Variants in DLGAP1 observed in about 807,000 individuals in gnomAD.
DLGAP1 encodes disks large-associated protein 1.
A neutral mutation model predicts 90.8 loss-of-function variants in DLGAP1; 11 were observed. The observed-to-expected ratio is 0.12, with a 90% CI of 0.08 to 0.20. The LOEUF is 0.20. Among genes scored for constraint, DLGAP1 ranks in the 10% least tolerant of loss-of-function variants. The probability of loss-of-function intolerance (pLI) is 1.00; values close to 1 mark genes in which losing one functional copy is unlikely to be tolerated. For synonymous variants in DLGAP1, 558 were observed against 540.7 expected, an observed-to-expected ratio of 1.03 and a Z score of -0.44; for missense variants, 1,050 against 1,333.8, an observed-to-expected ratio of 0.79 and a Z score of 3.31.
chr18:3,739,632 C>T (rs1249788064), intron 6 of DLGAP1, among the ~76,000 whole-genome samples: 3 of 91,270 alleles, frequency 3.3e-5, no homozygotes, highest in Admixed American at 1.7e-4. Flanking sequence ...GTTGTGGGGT[C>T]GGGGGAGGGG....
chr18:4,106,657 TG>T (rs2075874075), intron 2 of DLGAP1, among the ~76,000 whole-genome samples: 1 of 152,256 alleles, frequency 6.6e-6, no homozygotes, highest in South Asian at 2.1e-4. Context: ...AGGCGCTGCC[TG>T]TCTTCTCAGA....
chr18:3,778,432 A>T (rs1242428504), intron 5 of DLGAP1, among the ~76,000 whole-genome samples: 2 of 151,720 alleles, frequency 1.3e-5, no homozygotes, highest in Non-Finnish European at 2.9e-5. Flanking sequence ...CAAGAGCAAG[A>T]CTCCATCTTA....
intron 2 of DLGAP1, among the ~76,000 whole-genome samples, chr18:4,107,890 G>T (rs183149684): frequency 6.6e-6 from 1 of 152,036 alleles, no homozygotes; most frequent in Admixed American, 6.5e-5. Flanking sequence ...TTTCAGGTCC[G>T]AAGAAAAATC....
At chr18:4,416,296 A>G (rs778370280) in intron 1 of DLGAP1, among the ~76,000 whole-genome samples, 5 of 152,186 alleles carry the variant, frequency 3.3e-5, no homozygotes, top group African/African-American at 4.8e-5. Context: ...TTCAAATTCC[A>G]TAGATGAGCT....
chr18:3,831,253 T>A (rs2068022144), intron 4 of DLGAP1, among the ~76,000 whole-genome samples: 1 of 152,152 alleles, frequency 6.6e-6, no homozygotes, highest in Admixed American at 6.5e-5. Context: ...CATCACCAGA[T>A]CATGGCAGGA....
At chr18:3,890,338 G>A (rs954964729) in intron 3 of DLGAP1, among the ~76,000 whole-genome samples, 13 of 152,264 alleles carry the variant, frequency 8.5e-5, no homozygotes, top group African/African-American at 3.1e-4. Flanking sequence ...CATGTAAGAA[G>A]TGAGAAGGAC....
rs186851002 is a variant in DLGAP1, at chr18:4,119,327, C to T, written c.-159+31853G>A. Among the ~76,000 whole-genome samples, 12 of 152,258 alleles carry T rather than the reference C, an allele frequency of 7.9e-5. No homozygotes were observed. In the East Asian group the frequency reaches 2.3e-3, roughly 29 times the overall value. On this transcript the variant is annotated intron_variant, in intron 2 of 12. Coordinates refer to ENST00000315677, the MANE Select transcript of DLGAP1 (RefSeq NM_004746.4). Reference sequence around the variant, plus strand: ...CGGGCTCTTCTTGAACTCCTGGGCTCAGGCAATCCTCCCTCCTCAGCCTTC... The same window carrying T: ...CGGGCTCTTCTTGAACTCCTGGGCTTAGGCAATCCTCCCTCCTCAGCCTTC...
chr18:4,236,743 C>T (rs947409730), intron 1 of DLGAP1, among the ~76,000 whole-genome samples: 1 of 151,670 alleles, frequency 6.6e-6, no homozygotes, highest in Non-Finnish European at 1.5e-5. Context: ...ATAATAACTG[C>T]GCAATTGTCT....
rs908205294 is a variant in DLGAP1 at position 4,357,098 on chromosome 18, T to C, written c.-267+97908A>G. ...CTGTGTATATACGTGTGCGTGTGTGTGTGTGTGTGTGTGTACGATATACCA... is the reference window on the plus strand; with the variant it reads ...CTGTGTATATACGTGTGCGTGTGTGCGTGTGTGTGTGTGTACGATATACCA... On this transcript the variant is annotated intron_variant, in intron 1 of 12. Transcript: ENST00000315677. Among the ~76,000 whole-genome samples the C allele has an allele frequency of 2.5e-3, 386 of 151,564 alleles. 2 individuals are homozygous for C. Among genetic ancestry groups the C allele is most frequent in the African/African-American group, 9.0e-3 (370 of 41,208 alleles).
chr18:3,526,904 C>G lies in DLGAP1; in HGVS notation c.2479+7290G>C, dbSNP rs1044620170. On this transcript the variant is annotated intron_variant, in intron 10 of 12. Coordinates refer to ENST00000315677, the MANE Select transcript of DLGAP1 (RefSeq NM_004746.4). This position sits in a 1 kb window ranked among gnomAD's most constrained non-coding sequence, Gnocchi z 4.7. ...TCGTATCATTTTACTTCAAGTGCTG[C>G]GGGAACAAGCATTCTGTCAGCTGTC... 6.6e-6 allele frequency among the ~76,000 whole-genome samples: 1 copy of G among 151,970 alleles called. No homozygotes were observed. Among genetic ancestry groups the G allele is most frequent in the Non-Finnish European group, 1.5e-5 (1 of 68,018 alleles).
intron 1 of DLGAP1, among the ~76,000 whole-genome samples, chr18:4,151,672 C>T (rs569542062): frequency 6.6e-6 from 1 of 152,148 alleles, no homozygotes; most frequent in Non-Finnish European, 1.5e-5. Flanking sequence ...CTCAACAGTA[C>T]AACTAAGCCA....
At chr18:4,245,355 A>C (rs2078632480) in intron 1 of DLGAP1, among the ~76,000 whole-genome samples, 2 of 152,226 alleles carry the variant, frequency 1.3e-5, no homozygotes, top group African/African-American at 4.8e-5. Context: ...TGTGACATAA[A>C]ATCTGCAAAA....
intron 4 of DLGAP1, among the ~76,000 whole-genome samples, chr18:3,870,754 G>A (rs780956697): frequency 1.3e-5 from 2 of 152,102 alleles, no homozygotes; most frequent in Non-Finnish European, 2.9e-5. Flanking sequence ...GAAGATGCTG[G>A]AAGGATGCAT....
chr18:4,011,220 C>G (rs1284243468), intron 2 of DLGAP1, among the ~76,000 whole-genome samples: 1 of 150,824 alleles, frequency 6.6e-6, no homozygotes, highest in Admixed American at 6.6e-5. Context: ...CCATCAGACG[C>G]TCTCTGTCTA....
intron 4 of DLGAP1, among the ~76,000 whole-genome samples, chr18:3,826,079 T>C (rs1006254415): frequency 2.0e-5 from 3 of 152,086 alleles, no homozygotes; most frequent in African/African-American, 7.2e-5. Flanking sequence ...AAACGATGAC[T>C]ACACACAGAC....
intron 7 of DLGAP1, among the ~76,000 whole-genome samples, chr18:3,677,203 G>T (rs1266885921): frequency 1.3e-5 from 2 of 152,106 alleles, no homozygotes; most frequent in Non-Finnish European, 2.9e-5. Flanking sequence ...TGAACCACCA[G>T]TTCCATTTCT....
intron 7 of DLGAP1, among the ~76,000 whole-genome samples, chr18:3,630,580 TA>T (rs1359214579): frequency 6.6e-6 from 1 of 152,228 alleles, no homozygotes; most frequent in East Asian, 1.9e-4. Flanking sequence ...AATTTTATTT[TA>T]TTTTTTTTCC....
chr18:3,842,304 C>A (rs2068762072), intron 4 of DLGAP1, among the ~76,000 whole-genome samples: 1 of 152,116 alleles, frequency 6.6e-6, no homozygotes, highest in East Asian at 1.9e-4. Flanking sequence ...AGGTCCCCAG[C>A]TACATCATAC....
At position 3,846,043 on chromosome 18, in the gene DLGAP1, G is replaced by GGTGTGTGTGTGTGTGTGTGTGT. The variant is rs35460885; in HGVS notation, c.958-31792_958-31771dup. On this transcript the variant is annotated intron_variant, in intron 4 of 12. Coordinates refer to ENST00000315677, the MANE Select transcript of DLGAP1 (RefSeq NM_004746.4). Reference sequence around the variant, plus strand: ...TCCCAGAAAATCTTATTGAAAGTGTGGTGTGTGTGTGTGTGTGTGTGTGTG... The same window carrying GGTGTGTGTGTGTGTGTGTGTGT: ...TCCCAGAAAATCTTATTGAAAGTGTGGTGTGTGTGTGTGTGTGTGTGTGTGTGTGTGTGTGTGTGTGTGTGTG... 6.9e-5 allele frequency among the ~76,000 whole-genome samples: 10 copies of GGTGTGTGTGTGTGTGTGTGTGT among 145,128 alleles called. No individual in the cohort carries two copies. In the East Asian group the frequency reaches 1.2e-3, roughly 18 times the overall value.
Sources: allele counts gnomAD v4.1 joint callset (sites outside exome capture counted in the v4.1 genomes callset), GRCh38; gene constraint gnomAD v4.1.1; non-coding constraint Gnocchi (gnomAD v3.1); transcripts MANE v1.5; gene names NCBI Gene and HGNC (gene_info 2026-07-23, HGNC 2026-07-21).